Variants in ZZZ3 observed in about 807,000 individuals in gnomAD.
The protein encoded by ZZZ3 is ZZ-type zinc finger-containing protein 3.
A neutral mutation model predicts 95.2 loss-of-function variants in ZZZ3; 22 were observed. The observed-to-expected ratio is 0.23, with a 90% confidence interval of 0.17 to 0.33. The LOEUF (loss-of-function observed/expected upper bound fraction) is 0.33. Ranked by LOEUF, ZZZ3 falls within the 10% of genes least tolerant of loss-of-function variation. The pLI, the probability that ZZZ3 is intolerant of heterozygous loss-of-function variation, is 1.00. For missense variants in ZZZ3, 885 were observed against 1,066.5 expected, an observed-to-expected ratio of 0.83 and a Z score of 2.37; for synonymous variants, 335 against 358.9, an observed-to-expected ratio of 0.93 and a Z score of 0.75.
intron 1 of ZZZ3, among the ~76,000 whole-genome samples, chr1:77,644,353 C>A (rs1347503063): frequency 5.9e-5 from 9 of 152,218 alleles, no homozygotes; most frequent in Non-Finnish European, 1.3e-4. Context: ...GCATGAGCCA[C>A]CACGCCCAGC....
At chr1:77,624,575 AG>A (rs528199262) in intron 5 of ZZZ3, among the ~76,000 whole-genome samples, 73 of 152,272 alleles carry the variant, frequency 4.8e-4, no homozygotes, top group South Asian at 2.9e-3. Context: ...CAGGAAAAAA[AG>A]CTTCTGTGCC....
chr1:77,575,479 T>C (rs1486655421), intron 12 of ZZZ3, among the ~76,000 whole-genome samples: 1 of 152,224 alleles, frequency 6.6e-6, no homozygotes, highest in Non-Finnish European at 1.5e-5. Flanking sequence ...ATCTCATCAA[T>C]GCTCTTGACC....
intron 1 of ZZZ3, among the ~76,000 whole-genome samples, chr1:77,657,369 GGAA>G (rs1670366268): frequency 6.6e-6 from 1 of 152,062 alleles, no homozygotes; most frequent in East Asian, 1.9e-4. Flanking sequence ...CTTGCACTTA[GGAA>G]CACTATAGAC....
At chr1:77,677,627 C>T (rs773274856) in intron 1 of ZZZ3, among the ~76,000 whole-genome samples, 2 of 152,038 alleles carry the variant, frequency 1.3e-5, no homozygotes, top group Admixed American at 1.3e-4. Context: ...TGGCAATATA[C>T]AAGAGAGAGA....
chr1:77,587,648 C>T (rs189867713), intron 5 of ZZZ3, among the ~76,000 whole-genome samples: 52 of 152,266 alleles, frequency 3.4e-4, no homozygotes, highest in Middle Eastern at 3.4e-3. Context: ...CATTCAGCTA[C>T]GCTTTAAGAA....
intron 5 of ZZZ3, among the ~76,000 whole-genome samples, chr1:77,607,702 T>A (rs1021918411): frequency 1.3e-5 from 2 of 151,980 alleles, no homozygotes; most frequent in African/African-American, 4.8e-5. Context: ...GGCAGGCAGA[T>A]CACAAGGTCA....
intron 1 of ZZZ3, among the ~76,000 whole-genome samples, chr1:77,682,096 CAT>C (rs1672823574): frequency 6.6e-6 from 1 of 152,082 alleles, no homozygotes; most frequent in Non-Finnish European, 1.5e-5. Context: ...TTGTCAGAGA[CAT>C]AATGGGCCCT....
chr1:77,659,459 C>T (rs555023398), intron 1 of ZZZ3, among the ~76,000 whole-genome samples: 1 of 151,532 alleles, frequency 6.6e-6, no homozygotes, highest in Non-Finnish European at 1.5e-5. Flanking sequence ...AGGTCAGGAG[C>T]TCGAGACCAG....
At chr1:77,572,499 C>T (rs751742007) in intron 12 of ZZZ3, among the ~76,000 whole-genome samples, 2 of 152,102 alleles carry the variant, frequency 1.3e-5, no homozygotes, top group Non-Finnish European at 2.9e-5. Context: ...ACCACCATAC[C>T]TGGCTAATTT....
At chr1:77,630,592 C>A (rs754314839) in intron 5 of ZZZ3, among the ~76,000 whole-genome samples, 2 of 152,214 alleles carry the variant, frequency 1.3e-5, no homozygotes, top group Non-Finnish European at 2.9e-5. Context: ...GTTTTGCTAT[C>A]TAAAACTGGA....
intron 12 of ZZZ3, among the ~76,000 whole-genome samples, chr1:77,573,293 T>C (rs1661598222): frequency 1.3e-5 from 2 of 152,014 alleles, no homozygotes; most frequent in Admixed American, 6.5e-5. Flanking sequence ...CTAATTTTTT[T>C]TTTTTTTAAG....
chr1:77,654,727 T>C (rs1670118126), intron 1 of ZZZ3, among the ~76,000 whole-genome samples: 1 of 152,216 alleles, frequency 6.6e-6, no homozygotes, highest in South Asian at 2.1e-4. Context: ...GATAGATGGA[T>C]ATCTTTTCCA....
intron 1 of ZZZ3, among the ~76,000 whole-genome samples, chr1:77,650,986 C>T (rs944030693): frequency 2.0e-5 from 3 of 152,168 alleles, no homozygotes; most frequent in Non-Finnish European, 4.4e-5. Flanking sequence ...GCTGCTAGGA[C>T]AACTGGATAT....
Position 77,562,695 on chromosome 1 carries a change from C to A in ZZZ3, c.*2945G>T, listed in dbSNP as rs562904292. ...CAAGGCAGGAAACACAAGCCTTAGT[C>A]CCAGCTTTGCCTGAGACTTTGCAAG... On this transcript the variant is annotated 3_prime_UTR_variant, in exon 15 of 15. Coordinates refer to ENST00000370801, the MANE Select transcript of ZZZ3 (RefSeq NM_015534.6). The A allele has an allele frequency of 1.3e-5, 2 of 152,302 alleles. No individual in the cohort carries two copies. The highest frequency in any genetic ancestry group is 3.9e-4 in the East Asian group (2 of 5,188). 9.4% of individuals were successfully genotyped at this position (152,302 alleles called of 1,614,324 possible). A position where few individuals can be genotyped will look rare whatever the true frequency, so the allele number is the denominator to read the frequency against.
In ZZZ3 at chr1:77,650,463, C is replaced by T. The variant is rs568536091; in HGVS notation, c.-402-8808G>A. Among the ~76,000 whole-genome samples, 10 of 152,034 alleles carry T rather than the reference C, an allele frequency of 6.6e-5. No homozygotes were observed. In the South Asian group the frequency reaches 1.2e-3, roughly 19 times the overall value. On this transcript the variant is annotated intron_variant, in intron 1 of 14. Transcript: ENST00000370801. ...GAAATCAGTGATAAAAAATACAACTCGAAAATCCTCAAATACCTGGAAATA... is the reference window on the plus strand; with the variant it reads ...GAAATCAGTGATAAAAAATACAACTTGAAAATCCTCAAATACCTGGAAATA...
chr1:77,572,811 TTC>T lies in ZZZ3; in HGVS notation c.2331+3255_2331+3256del, dbSNP rs374934454. Among the ~76,000 whole-genome samples the T allele has an allele frequency of 2.7e-3, 408 of 151,756 alleles. 7 individuals are homozygous for T. The highest frequency in any genetic ancestry group is 9.3e-3 in the African/African-American group (386 of 41,352). ...ACCACCATGCCAGGCTGATAATTTT[TTC>T]TTTTTTCTTTTTTGTAGAGATGGGG... On this transcript the variant is annotated intron_variant, in intron 12 of 14. Transcript: ENST00000370801.
intron 4 of ZZZ3, among the ~76,000 whole-genome samples, chr1:77,637,553 G>A (rs1668415273): frequency 6.6e-6 from 1 of 152,162 alleles, no homozygotes; most frequent in Admixed American, 6.5e-5. Context: ...TGCAGGGGCA[G>A]GGAAGTGGGG....
At chr1:77,598,538 G>GA (rs930203597) in intron 5 of ZZZ3, among the ~76,000 whole-genome samples, 8 of 152,122 alleles carry the variant, frequency 5.3e-5, no homozygotes, top group African/African-American at 1.9e-4. Flanking sequence ...CAGCAAATGA[G>GA]AAAGTATTTA....
chr1:77,607,330 C>A (rs1479652734), intron 5 of ZZZ3, among the ~76,000 whole-genome samples: 1 of 152,196 alleles, frequency 6.6e-6, no homozygotes, highest in Non-Finnish European at 1.5e-5. Context: ...ATTCAATTAT[C>A]TCCACCTGGC....
Sources: allele counts gnomAD v4.1 joint callset (sites outside exome capture counted in the v4.1 genomes callset), GRCh38; gene constraint gnomAD v4.1.1; transcripts MANE v1.5; gene names NCBI Gene and HGNC (gene_info 2026-07-23, HGNC 2026-07-21).